PDSS2: variants seen among roughly 807,000 people sequenced by gnomAD.
PDSS2 encodes the protein decaprenyl diphosphate synthase subunit 2.
Under a neutral mutation model 44.5 loss-of-function variants are expected in PDSS2, and 31 were observed. The ratio of observed to expected loss-of-function variants is 0.70; its 90% CI spans 0.52 to 0.94. PDSS2 has a LOEUF of 0.94. PDSS2 is among the 40% of genes least tolerant of loss of function. The probability of loss-of-function intolerance (pLI) is 0.00; values close to 1 mark genes in which losing one functional copy is unlikely to be tolerated. For synonymous variants in PDSS2, 157 were observed against 180.3 expected (o/e 0.87, Z 1.03); for missense variants, 452 against 482.2 (o/e 0.94, Z 0.59).
intron 1 of PDSS2, among the ~76,000 whole-genome samples, chr6:107,395,733 C>G (rs319118): frequency 0.73 from 110,820 of 152,054 alleles, 40,796 homozygotes; most frequent in Middle Eastern, 0.8. Context: ...TTTCTGTTTT[C>G]AGGTCTGTTT....
At chr6:107,207,540 A>T (rs1210026040) in intron 6 of PDSS2, among the ~76,000 whole-genome samples, 1 of 151,908 alleles carries the variant, frequency 6.6e-6, no homozygotes, top group African/African-American at 2.4e-5. Context: ...CAAGATGGTT[A>T]TCTTATAAAG....
At chr6:107,222,999 A>G (rs1773664018) in intron 4 of PDSS2, among the ~76,000 whole-genome samples, 1 of 150,234 alleles carries the variant, frequency 6.7e-6, no homozygotes, top group African/African-American at 2.4e-5. Context: ...CCCAGGCTGG[A>G]GTGCAATGGT....
intron 2 of PDSS2, among the ~76,000 whole-genome samples, chr6:107,287,676 C>A (rs1776202366): frequency 6.6e-6 from 1 of 152,002 alleles, no homozygotes; most frequent in African/African-American, 2.4e-5. Context: ...CATACACCAC[C>A]ACACCTGGCT....
intron 3 of PDSS2, among the ~76,000 whole-genome samples, chr6:107,271,980 C>T (rs759130972): frequency 1.3e-5 from 2 of 151,850 alleles, no homozygotes; most frequent in Non-Finnish European, 2.9e-5. Flanking sequence ...AGGAGGATTG[C>T]TTCAACCAGG....
intron 2 of PDSS2, among the ~76,000 whole-genome samples, chr6:107,303,315 C>G (rs1776756019): frequency 6.6e-6 from 1 of 152,182 alleles, no homozygotes; most frequent in Admixed American, 6.5e-5. Flanking sequence ...CAAGTTTCAG[C>G]ATGAGTTTTG....
At chr6:107,157,006 G>T (rs1554245771) in intron 7 of PDSS2, among the ~76,000 whole-genome samples, 1 of 152,060 alleles carries the variant, frequency 6.6e-6, no homozygotes, top group Admixed American at 6.6e-5. Context: ...CACCAGGTCT[G>T]CACCCCTGGA....
In PDSS2 at chr6:107,379,405, T is replaced by C. The variant is rs75092905; in HGVS notation, c.297-45073A>G. 3.0e-4 allele frequency among the ~76,000 whole-genome samples: 46 copies of C among 152,352 alleles called. No homozygotes were observed. In the East Asian group the frequency reaches 7.7e-3, roughly 26 times the overall value. On this transcript the variant is annotated intron_variant, in intron 1 of 7. Transcript: ENST00000369037. Reference sequence around the variant, plus strand: ...TTATCAGAACTTCGAGTTTAATATATGTACAGACCTACCTATTTGGCTATG... The same window carrying C: ...TTATCAGAACTTCGAGTTTAATATACGTACAGACCTACCTATTTGGCTATG...
chr6:107,256,935 T>G (rs144800574), intron 3 of PDSS2, among the ~76,000 whole-genome samples: 53 of 152,142 alleles, frequency 3.5e-4, no homozygotes, highest in Non-Finnish European at 6.8e-4. Context: ...TAATCAGCAC[T>G]TTGGGAGACC....
At chr6:107,440,547 C>T (rs1426382945) in intron 1 of PDSS2, among the ~76,000 whole-genome samples, 1 of 152,228 alleles carries the variant, frequency 6.6e-6, no homozygotes, top group Admixed American at 6.5e-5. Flanking sequence ...GCACTTCTCA[C>T]AACTCCAGCT....
At chr6:107,177,996 C>T (rs956649881) in intron 7 of PDSS2, among the ~76,000 whole-genome samples, 4 of 151,902 alleles carry the variant, frequency 2.6e-5, no homozygotes, top group Admixed American at 6.6e-5. Context: ...TACTTGAATC[C>T]CTATCTTACT....
chr6:107,230,369 T>A (rs531893696), intron 4 of PDSS2, among the ~76,000 whole-genome samples: 1 of 152,178 alleles, frequency 6.6e-6, no homozygotes, highest in African/African-American at 2.4e-5. Flanking sequence ...AGGACTTAGG[T>A]CCTCAGGCTA....
chr6:107,362,479 C>T (rs1005118325), intron 1 of PDSS2, among the ~76,000 whole-genome samples: 66 of 152,246 alleles, frequency 4.3e-4, no homozygotes, highest in African/African-American at 1.4e-3. Context: ...TGAGAAGAGA[C>T]GTCACAACTG....
intron 1 of PDSS2, among the ~76,000 whole-genome samples, chr6:107,374,439 A>G (rs2114409687): frequency 6.6e-6 from 1 of 152,280 alleles, no homozygotes. Flanking sequence ...GGTTTTATTT[A>G]GTTCAATTCC....
Position 107,364,703 on chromosome 6 carries a change from G to T in PDSS2, c.297-30371C>A, listed in dbSNP as rs1223654526. 5.9e-5 allele frequency among the ~76,000 whole-genome samples: 9 copies of T among 152,314 alleles called. No individual in the cohort carries two copies. In the East Asian group the frequency reaches 1.7e-3, roughly 29 times the overall value. On this transcript the variant is annotated intron_variant, in intron 1 of 7. Transcript: ENST00000369037. ...AGAAAGGGGCTCCCACAGTGCAGTG[G>T]GGGGGCTGAAGGGCTCCTCAAATGC...
At chr6:107,218,170 C>T (rs746561385) in intron 4 of PDSS2, among the ~76,000 whole-genome samples, 14 of 152,192 alleles carry the variant, frequency 9.2e-5, no homozygotes, top group Non-Finnish European at 1.9e-4. Context: ...TCTTTCCTCT[C>T]AAGTAAACTG....
chr6:107,277,057 T>C (rs1385713248), intron 2 of PDSS2, among the ~76,000 whole-genome samples: 1 of 152,218 alleles, frequency 6.6e-6, no homozygotes, highest in Non-Finnish European at 1.5e-5. Flanking sequence ...TGTTACACAA[T>C]AGATAACTAA....
Position 107,245,591 on chromosome 6 carries a change from A to T in PDSS2, c.659T>A (p.Met220Lys). The T allele has an allele frequency of 6.3e-7, 1 of 1,594,510 alleles. No individual in the cohort carries two copies. Among genetic ancestry groups the T allele is most frequent in the South Asian group, 1.1e-5 (1 of 87,578 alleles). Residue 220 changes from methionine to lysine, a missense_variant, in exon 4 of 8, where the codon ATG becomes AAG. By Grantham distance (95) the Met-to-Lys change is moderately conservative. Coordinates refer to ENST00000369037, the MANE Select transcript of PDSS2 (RefSeq NM_020381.4). ...KVVELLASALMDLVQGVYHEN... is the reference protein window; with the variant it reads ...KVVELLASALKDLVQGVYHEN... ...ATGATATACTCCTTGTACCAAGTCC[A>T]TAAGAGCACTTGCTAAAAGTTCCAC...
chr6:107,412,837 T>C (rs953581869), intron 1 of PDSS2, among the ~76,000 whole-genome samples: 1 of 152,210 alleles, frequency 6.6e-6, no homozygotes, highest in Admixed American at 6.5e-5. Flanking sequence ...TGTATCTGAG[T>C]ATACAACATA....
intron 7 of PDSS2, among the ~76,000 whole-genome samples, chr6:107,162,621 T>TG: frequency 6.9e-6 from 1 of 144,906 alleles, no homozygotes; most frequent in Non-Finnish European, 1.5e-5. Context: ...TTTTTTTTTT[T>TG]TTTTGAGATG....
Sources: allele counts gnomAD v4.1 joint callset (sites outside exome capture counted in the v4.1 genomes callset), GRCh38; gene constraint gnomAD v4.1.1; transcripts MANE v1.5; gene names NCBI Gene and HGNC (gene_info 2026-07-23, HGNC 2026-07-21).